KAT5: variants seen among roughly 807,000 people sequenced by gnomAD.
KAT5 encodes the protein histone acetyltransferase KAT5.
KAT5 carries 31 observed loss-of-function variants against 68.1 expected under a neutral mutation model. The ratio of observed to expected loss-of-function variants is 0.46; its 90% confidence interval spans 0.34 to 0.61. The LOEUF (loss-of-function observed/expected upper bound fraction) is 0.61, where lower values mean the gene tolerates loss of function less well. Among genes scored for constraint, KAT5 ranks in the 20% least tolerant of loss-of-function variants. The pLI, the probability that KAT5 is intolerant of heterozygous loss-of-function variation, is 0.01. For synonymous variants in KAT5, 365 were observed against 292.6 expected (o/e 1.25, Z -2.52); for missense variants, 451 against 725.5 (o/e 0.62, Z 4.35).
At chr11:65,717,672 G>A (rs1459456547) in intron 10 of KAT5, 2 of 153,220 alleles carry the variant, frequency 1.3e-5, no homozygotes, top group East Asian at 3.9e-4. Context: ...CCTGATCAAG[G>A]TTATGGTCCA....
chr11:65,714,232 T>C (rs1402937404), intron 6 of KAT5: 1 of 550,340 alleles, frequency 1.8e-6, no homozygotes, highest in African/African-American at 1.9e-5. Flanking sequence ...GAGGTGGAGA[T>C]TGCAGTGAGC....
At chr11:65,712,580 T>C in intron 1 of KAT5, 135 bp downstream of exon 1, 2 of 1,235,266 alleles carry the variant, frequency 1.6e-6, no homozygotes, top group Non-Finnish European at 1.1e-6. Flanking sequence ...GGGGCGTGGC[T>C]CTTAGCTGCT....
chr11:65,717,138 C>T, intron 10 of KAT5, 156 bp downstream of exon 10: 2 of 644,380 alleles, frequency 3.1e-6, no homozygotes, highest in South Asian at 3.7e-5. Flanking sequence ...GGGGTTCTCT[C>T]CGTTCAGGCT....
At chr11:65,714,253 C>T (rs551884691) in intron 6 of KAT5, 1 of 573,282 alleles carries the variant, frequency 1.7e-6, no homozygotes, top group African/African-American at 1.9e-5. Flanking sequence ...CAAGATCGCG[C>T]TACTGCCCTC....
Position 65,716,804 on chromosome 11 carries a change from C to T in KAT5, c.1167C>T (p.Ser389=), listed in dbSNP as rs1368378658. Residue 389 remains serine, a synonymous_variant, in exon 9 of 13, where the codon TCC becomes TCT. Transcript: ENST00000341318. ...CKGFHIVGYF[S]KEKESTEDYN... is the part of the protein sequence containing the mutation. ...GCTTCCACATCGTGGGCTACTTCTCCAAGGTCAGTGCCTGCCCAAGCTGTC... is the reference window on the plus strand; with the variant it reads ...GCTTCCACATCGTGGGCTACTTCTCTAAGGTCAGTGCCTGCCCAAGCTGTC... 1.9e-6 allele frequency: 3 copies of T among 1,614,184 alleles called. No homozygotes were observed. The highest frequency in any genetic ancestry group is 1.7e-5 in the Admixed American group (1 of 60,026).
intron 10 of KAT5, 86 bp from the exon 11 acceptor site, chr11:65,718,504 A>G: frequency 7.0e-7 from 1 of 1,426,118 alleles, no homozygotes; most frequent in Non-Finnish European, 9.7e-7. Context: ...GGAACTAGGC[A>G]GCCTGCCTTG....
At chr11:65,714,417 C>G (rs899901392) in intron 6 of KAT5, 78 bp from the exon 7 acceptor site, 8 of 1,530,948 alleles carry the variant, frequency 5.2e-6, no homozygotes, top group Non-Finnish European at 7.1e-6. Flanking sequence ...TTGAAGGAAA[C>G]CTGTCAAAGG....
rs1857106319 is a variant in KAT5, at chr11:65,713,755, T to C, written c.616-19T>C. 1 of 1,613,726 alleles carries C rather than the reference T, an allele frequency of 6.2e-7. No individual in the cohort carries two copies. Among genetic ancestry groups the C allele is most frequent in the African/African-American group, 1.3e-5 (1 of 74,918 alleles). On this transcript the variant is annotated intron_variant, in intron 5 of 12. Transcript: ENST00000341318. ...GGCTCATTTCACAGCCATCCCTTCTTTTCCTACTATCTCGGCAGAATGGAG... is the reference window on the plus strand; with the variant it reads ...GGCTCATTTCACAGCCATCCCTTCTCTTCCTACTATCTCGGCAGAATGGAG...
chr11:65,715,773 A>G (rs1199377521), intron 8 of KAT5, among the ~76,000 whole-genome samples: 1 of 145,240 alleles, frequency 6.9e-6, no homozygotes, highest in Non-Finnish European at 1.5e-5. Flanking sequence ...AAATAAATAA[A>G]TAAAAAGCAA....
chr11:65,713,111 C>G (rs544522622), intron 3 of KAT5, 53 bp downstream of exon 3: 2 of 1,606,442 alleles, frequency 1.2e-6, no homozygotes, highest in African/African-American at 1.3e-5. Flanking sequence ...TTTCTCTTGT[C>G]TGTTGGCATT....
In KAT5 at chr11:65,716,705, C is replaced by T. The variant is rs769670134; in HGVS notation, c.1068C>T (p.Phe356=). The change falls in exon 9 of 13, where the codon TTC becomes TTT. Residue 356 remains phenylalanine (F), a synonymous_variant. Transcript: ENST00000341318. ...ACCTGTGTCTTTTGGCCAAGTGTTT[C>T]CTTGACCATAAGACACTGTACTATG... ...SQNLCLLAKC[F]LDHKTLYYDT... is the part of the protein sequence containing the mutation. The T allele has an allele frequency of 1.5e-5, 25 of 1,613,754 alleles. No homozygotes were observed. Among genetic ancestry groups the T allele is most frequent in the Non-Finnish European group, 2.1e-5 (25 of 1,179,764 alleles).
Position 65,719,254 on chromosome 11 carries a change from G to T in KAT5, c.*73G>T. ...GATAGCCCACCCCGCCCCCACTGCA[G>T]CTCCCACAAAGCACTCTAAGGGAGA... On this transcript the variant is annotated 3_prime_UTR_variant, in exon 13 of 13. Coordinates refer to ENST00000341318, the MANE Select transcript of KAT5 (RefSeq NM_182710.3). 4 of 1,548,926 alleles carry T rather than the reference G, an allele frequency of 2.6e-6. No homozygotes were observed. Among genetic ancestry groups the T allele is most frequent in the Non-Finnish European group, 3.5e-6 (4 of 1,138,000 alleles).
At chr11:65,717,653 G>A (rs1857246998) in intron 10 of KAT5, 1 of 155,910 alleles carries the variant, frequency 6.4e-6, no homozygotes, top group African/African-American at 2.4e-5. Flanking sequence ...TGAAGACACA[G>A]AGGCTTTACC....
In KAT5 at chr11:65,713,655, G is replaced by A. The variant is rs778793273; in HGVS notation, c.603G>A (p.Ser201=). ...TGCCCAGCGAGACAGCCCCGGCCTC[G>A]GTTTTTCCCCAGGTGAGTTCCCCAA... The part of the protein sequence containing the change: ...TPVPSETAPA[S]VFPQNGAARR... The change falls in exon 5 of 13, where the codon TCG becomes TCA. Residue 201 remains serine (S), a synonymous_variant. Transcript: ENST00000341318. The A allele has an allele frequency of 5.6e-6, 9 of 1,614,032 alleles. No homozygotes were observed. Among genetic ancestry groups the A allele is most frequent in the East Asian group, 4.5e-5 (2 of 44,890 alleles).
intron 6 of KAT5, chr11:65,714,153 G>A: frequency 2.0e-6 from 1 of 506,218 alleles, no homozygotes; most frequent in South Asian, 2.3e-5. Flanking sequence ...ACAAAAATTA[G>A]CCAGGCGTGG....
Position 65,718,686 on chromosome 11 carries a change from C to G in KAT5, c.1361C>G (p.Thr454Ser). 1 of 1,614,204 alleles carries G rather than the reference C, an allele frequency of 6.2e-7. No homozygotes were observed. The highest frequency in any genetic ancestry group is 8.5e-7 in the Non-Finnish European group (1 of 1,180,034). ...TCCTATCGAAGCTACTGGTCCCAGACCATCCTGGAGATCCTGATGGGGCTG... is the reference window on the plus strand; with the variant it reads ...TCCTATCGAAGCTACTGGTCCCAGAGCATCCTGGAGATCCTGATGGGGCTG... Reference protein sequence around the residue: ...LLSYRSYWSQTILEILMGLKS... With the variant: ...LLSYRSYWSQSILEILMGLKS... Residue 454 changes from threonine to serine, a missense_variant, in exon 11 of 13, where the codon ACC (threonine) becomes AGC (serine). This residue lies in a region of KAT5 where 210 missense variants were observed against 423.7 expected (regional missense o/e 0.50). Transcript: ENST00000341318.
At chr11:65,715,202 G>A (rs912523096) in intron 8 of KAT5, 28 of 417,444 alleles carry the variant, frequency 6.7e-5, no homozygotes, top group Non-Finnish European at 1.3e-4. Flanking sequence ...GCTTCATAGA[G>A]GGTTACCTTT....
At chr11:65,712,509 C>G in intron 1 of KAT5, 64 bp downstream of exon 1, 2 of 1,541,552 alleles carry the variant, frequency 1.3e-6, no homozygotes, top group Middle Eastern at 1.7e-4. Context: ...CAACTGAAAT[C>G]CCGGGATGGG....
Position 65,719,234 on chromosome 11 carries a change from C to G in KAT5, c.*53C>G. Reference sequence around the variant, plus strand: ...ACGGCAGCAGGACTGGGGCTGATAGCCCACCCCGCCCCCACTGCAGCTCCC... The same window carrying G: ...ACGGCAGCAGGACTGGGGCTGATAGGCCACCCCGCCCCCACTGCAGCTCCC... On this transcript the variant is annotated 3_prime_UTR_variant, in exon 13 of 13. Transcript: ENST00000341318. 1 of 1,588,134 alleles carries G rather than the reference C, an allele frequency of 6.3e-7. No individual in the cohort carries two copies. The highest frequency in any genetic ancestry group is 8.6e-7 in the Non-Finnish European group (1 of 1,166,154).
Sources: allele counts gnomAD v4.1 joint callset (sites outside exome capture counted in the v4.1 genomes callset), GRCh38; gene constraint gnomAD v4.1.1; regional missense constraint gnomAD v4.1.1; transcripts MANE v1.5; gene names NCBI Gene and HGNC (gene_info 2026-07-23, HGNC 2026-07-21).